The following PPP2R2A variants were observed in gnomAD, a reference collection of about 807,000 sequenced individuals.
PPP2R2A encodes the protein serine/threonine-protein phosphatase 2A 55 kDa regulatory subunit B alpha isoform.
In PPP2R2A, 9 loss-of-function variants were observed where a neutral mutation model predicts 53.2. The ratio of observed to expected loss-of-function variants is 0.17; its 90% CI spans 0.10 to 0.30. The LOEUF (loss-of-function observed/expected upper bound fraction) is 0.30. Ranked by LOEUF, PPP2R2A falls within the 10% of genes least tolerant of loss-of-function variation. The pLI is 1.00. For missense variants in PPP2R2A, 235 were observed against 534.6 expected, an observed-to-expected ratio of 0.44 and a Z score of 5.53; for synonymous variants, 169 against 174.2, an observed-to-expected ratio of 0.97 and a Z score of 0.23.
chr8:26,366,442 TAAAG>T (rs1563328218), intron 9 of PPP2R2A, 36 bp downstream of exon 9: 2 of 1,453,360 alleles, frequency 1.4e-6, no homozygotes, highest in Non-Finnish European at 1.9e-6. Flanking sequence ...TGAATTTTAT[TAAAG>T]AAAAGAAACA....
At chr8:26,297,615 A>G (rs1256869975) in intron 2 of PPP2R2A, among the ~76,000 whole-genome samples, 1 of 152,218 alleles carries the variant, frequency 6.6e-6, no homozygotes, top group Admixed American at 6.5e-5. Context: ...TTGCTCAGTC[A>G]TTTATCATTT....
intron 4 of PPP2R2A, among the ~76,000 whole-genome samples, chr8:26,357,719 C>T (rs1804868823): frequency 6.6e-6 from 1 of 152,038 alleles, no homozygotes; most frequent in African/African-American, 2.4e-5. Flanking sequence ...AAGGAAACGG[C>T]AGCGTGGTTT....
intron 1 of PPP2R2A, 104 bp downstream of exon 1, chr8:26,291,930 G>GC: frequency 8.6e-7 from 1 of 1,165,906 alleles, no homozygotes; most frequent in South Asian, 1.3e-5. Flanking sequence ...GCCACAGGGC[G>GC]CCCCTCGGGT....
At chr8:26,334,668 C>T (rs1296093935) in intron 2 of PPP2R2A, among the ~76,000 whole-genome samples, 1 of 152,030 alleles carries the variant, frequency 6.6e-6, no homozygotes, top group Admixed American at 6.6e-5. Flanking sequence ...TGGCGTGAAC[C>T]CGGGAGGCGG....
intron 2 of PPP2R2A, among the ~76,000 whole-genome samples, chr8:26,327,730 A>G (rs1803167069): frequency 6.6e-6 from 1 of 152,162 alleles, no homozygotes; most frequent in Non-Finnish European, 1.5e-5. Context: ...GTTCTCTTAT[A>G]TTGGGAAGAA....
chr8:26,320,499 G>A (rs1003234995), intron 2 of PPP2R2A, among the ~76,000 whole-genome samples: 18 of 152,102 alleles, frequency 1.2e-4, no homozygotes, highest in African/African-American at 3.4e-4. Flanking sequence ...AATACTGCTG[G>A]TATTCTAACT....
At chr8:26,326,247 T>C (rs1053882337) in intron 2 of PPP2R2A, among the ~76,000 whole-genome samples, 2 of 152,238 alleles carry the variant, frequency 1.3e-5, no homozygotes, top group African/African-American at 2.4e-5. Context: ...TCCAGGTTGG[T>C]CTCCAGTTTT....
chr8:26,334,664 G>C (rs887760258), intron 2 of PPP2R2A, among the ~76,000 whole-genome samples: 7 of 152,024 alleles, frequency 4.6e-5, no homozygotes, highest in Non-Finnish European at 1.0e-4. Flanking sequence ...AGAATGGCGT[G>C]AACCCGGGAG....
At chr8:26,330,888 CA>C (rs1803335058) in intron 2 of PPP2R2A, among the ~76,000 whole-genome samples, 1 of 152,096 alleles carries the variant, frequency 6.6e-6, no homozygotes, top group East Asian at 1.9e-4. Context: ...TTCCAAGGAT[CA>C]AATGTTTGTT....
In PPP2R2A at chr8:26,360,001, G is replaced by GCAGC. The variant is rs1475320890; in HGVS notation, c.347-168_347-167insCAGC. On this transcript the variant is annotated intron_variant, in intron 4 of 9. Transcript: ENST00000380737. The surrounding 1 kb of genome is among the most constrained non-coding windows in gnomAD (Gnocchi z 4.5). ...CAATCTTTGCACTTTATTTCCATGT[G>GCAGC]TGTATGTTATTCAGCTGATAATAGG... 1.3e-5 allele frequency among the ~76,000 whole-genome samples: 2 copies of GCAGC among 150,626 alleles called. No individual in the cohort carries two copies. The highest frequency in any genetic ancestry group is 4.9e-5 in the African/African-American group (2 of 40,994).
intron 2 of PPP2R2A, among the ~76,000 whole-genome samples, chr8:26,317,669 G>C (rs1022965264): frequency 1.3e-5 from 2 of 152,174 alleles, no homozygotes; most frequent in South Asian, 2.1e-4. Flanking sequence ...AGTAAAAGGA[G>C]ACCCAGACAA....
intron 2 of PPP2R2A, among the ~76,000 whole-genome samples, chr8:26,327,660 TTAGC>T (rs1359420020): frequency 1.3e-5 from 2 of 151,916 alleles, no homozygotes; most frequent in Non-Finnish European, 2.9e-5. Context: ...TTTACAATGA[TTAGC>T]TAAGCTACCT....
At chr8:26,291,989 C>G (rs1276270730) in intron 1 of PPP2R2A, 163 bp downstream of exon 1, 2 of 967,938 alleles carry the variant, frequency 2.1e-6, no homozygotes, top group Non-Finnish European at 2.6e-6. Flanking sequence ...GGAGGGCTCC[C>G]GGGAGGCAAG....
At chr8:26,300,687 C>T (rs1023793341) in intron 2 of PPP2R2A, among the ~76,000 whole-genome samples, 7 of 152,108 alleles carry the variant, frequency 4.6e-5, no homozygotes, top group Non-Finnish European at 7.4e-5. Context: ...AACACTGTCT[C>T]TACTAAAAAT....
Position 26,362,017 on chromosome 8 carries a change from A to ATTAAGATTAATC in PPP2R2A, c.638-658_638-657insATCTTAAGATTA, listed in dbSNP as rs933062561. On this transcript the variant is annotated intron_variant, in intron 6 of 9. Transcript: ENST00000380737. This position sits in a 1 kb window ranked among gnomAD's most constrained non-coding sequence, Gnocchi z 4.4. Reference sequence around the variant, plus strand: ...TTATATTAATTGATATTAAGATTAGATTAAGATTAGATTAAGATTAATCTT... The same window carrying ATTAAGATTAATC: ...TTATATTAATTGATATTAAGATTAGATTAAGATTAATCTTAAGATTAGATTAAGATTAATCTT... Among the ~76,000 whole-genome samples the ATTAAGATTAATC allele has an allele frequency of 6.4e-5, 8 of 125,824 alleles. No homozygotes were observed. Among genetic ancestry groups the ATTAAGATTAATC allele is most frequent in the African/African-American group, 2.1e-4 (7 of 32,878 alleles). 82.5% of individuals were successfully genotyped at this position (125,824 alleles called of 152,430 possible).
chr8:26,362,203 C>A lies in PPP2R2A; in HGVS notation c.638-481C>A, dbSNP rs1032409895. Among the ~76,000 whole-genome samples the A allele has an allele frequency of 2.0e-5, 3 of 151,124 alleles. No individual in the cohort carries two copies. Among genetic ancestry groups the A allele is most frequent in the Admixed American group, 6.6e-5 (1 of 15,178 alleles). On this transcript the variant is annotated intron_variant, in intron 6 of 9. Coordinates refer to ENST00000380737, the MANE Select transcript of PPP2R2A (RefSeq NM_002717.4). This position sits in a 1 kb window ranked among gnomAD's most constrained non-coding sequence, Gnocchi z 4.4. ...GCATGATTGGGTAAATAAAAATATT[C>A]TATTGAGGCCGGGCACAGTGACTCA...
chr8:26,331,444 T>G (rs1010885895), intron 2 of PPP2R2A, among the ~76,000 whole-genome samples: 7 of 152,248 alleles, frequency 4.6e-5, no homozygotes, highest in African/African-American at 1.7e-4. Context: ...GTAGTAGTGG[T>G]AAAAATCACA....
chr8:26,353,378 AC>A (rs1178907699), intron 3 of PPP2R2A, among the ~76,000 whole-genome samples: 1 of 152,240 alleles, frequency 6.6e-6, no homozygotes, highest in African/African-American at 2.4e-5. Context: ...GCTGGAAAAA[AC>A]AACCCAAAAC....
intron 2 of PPP2R2A, among the ~76,000 whole-genome samples, chr8:26,322,537 A>C (rs1234262718): frequency 1.3e-5 from 2 of 152,156 alleles, no homozygotes; most frequent in Admixed American, 1.3e-4. Context: ...CAGTGCAACA[A>C]GATGGCTTTT....
Sources: gnomAD v4.1 joint callset for allele counts (sites outside exome capture counted in the v4.1 genomes callset) on GRCh38, gnomAD v4.1.1 for gene constraint, Gnocchi (gnomAD v3.1) non-coding constraint, MANE v1.5 for transcripts, NCBI Gene and HGNC (gene_info 2026-07-23, HGNC 2026-07-21) for gene names.